CDKL2: variants seen among roughly 807,000 people sequenced by gnomAD.
CDKL2 encodes the protein cyclin-dependent kinase-like 2.
CDKL2 carries 64 observed loss-of-function variants against 63.9 expected under a neutral mutation model. That is an observed-to-expected ratio of 1.00 (90% CI 0.82 to 1.23). The LOEUF is 1.23. Among genes scored for constraint, CDKL2 ranks in the 50% most tolerant of loss-of-function variants. CDKL2 has a pLI of 0.00. For missense variants in CDKL2, 656 were observed against 668.0 expected, an observed-to-expected ratio of 0.98 and a Z score of 0.20; for synonymous variants, 211 against 229.2, an observed-to-expected ratio of 0.92 and a Z score of 0.72.
chr4:75,609,247 T>C (rs1394113617), intron 3 of CDKL2, among the ~76,000 whole-genome samples: 1 of 152,112 alleles, frequency 6.6e-6, no homozygotes, highest in Non-Finnish European at 1.5e-5. Context: ...ACAAAAACAT[T>C]AGTGATTAAA....
chr4:75,577,140 A>T lies in CDKL2; in HGVS notation c.*2062T>A, dbSNP rs1728058023. 6.6e-6 allele frequency among the ~76,000 whole-genome samples: 1 copy of T among 152,290 alleles called. No individual in the cohort carries two copies. The highest frequency in any genetic ancestry group is 2.4e-5 in the African/African-American group (1 of 41,580). On this transcript the variant is annotated 3_prime_UTR_variant, in exon 14 of 14. Coordinates refer to ENST00000307465, the MANE Select transcript of CDKL2 (RefSeq NM_001330724.2). ...GTAAGATAATATTTATTAATTTTAA[A>T]ACATACATACATGCAGCAAGCCCAC...
chr4:75,625,685 A>G (rs1730367309), intron 2 of CDKL2, 136 bp downstream of exon 2: 2 of 658,526 alleles, frequency 3.0e-6, no homozygotes, highest in South Asian at 4.2e-5. Flanking sequence ...TATAGAGAGA[A>G]GGAACAAACA....
At position 75,602,130 on chromosome 4, in the gene CDKL2, C is replaced by T. The variant is rs114969339; in HGVS notation, c.795+1687G>A. On this transcript the variant is annotated intron_variant, in intron 6 of 13. Transcript: ENST00000307465. ...TAAGCAAAAACCCCTTTGACAATATCATACAGATCATGATCCTATGCCCTA... is the reference window on the plus strand; with the variant it reads ...TAAGCAAAAACCCCTTTGACAATATTATACAGATCATGATCCTATGCCCTA... Among the ~76,000 whole-genome samples, 889 of 152,210 alleles carry T rather than the reference C, an allele frequency of 5.8e-3. 12 individuals carry two copies. Among genetic ancestry groups the T allele is most frequent in the African/African-American group, 0.021 (854 of 41,556 alleles).
chr4:75,624,617 G>A (rs1237855506), intron 2 of CDKL2, among the ~76,000 whole-genome samples: 1 of 151,846 alleles, frequency 6.6e-6, no homozygotes, highest in Non-Finnish European at 1.5e-5. Context: ...TTGGGAGGCT[G>A]AGGTGGGCGG....
intron 10 of CDKL2, among the ~76,000 whole-genome samples, chr4:75,595,203 C>CTTT (rs71203830): frequency 1.5e-5 from 2 of 135,276 alleles, no homozygotes; most frequent in African/African-American, 5.4e-5. Context: ...TTTCTTTCTT[C>CTTT]TTTTTTTTTT....
intron 6 of CDKL2, 74 bp downstream of exon 6, chr4:75,603,743 G>GC: frequency 2.4e-6 from 2 of 828,104 alleles, no homozygotes; most frequent in South Asian, 4.0e-5. Context: ...AACTAGACAA[G>GC]TAAAAAAAAA....
chr4:75,583,647 A>C (rs1489003973), intron 12 of CDKL2, among the ~76,000 whole-genome samples: 1 of 141,538 alleles, frequency 7.1e-6, no homozygotes, highest in Non-Finnish European at 1.6e-5. Context: ...GTTTTGCCAA[A>C]GCGGTGGAAG....
At chr4:75,626,285 T>A (rs1730403427) in intron 1 of CDKL2, among the ~76,000 whole-genome samples, 1 of 152,374 alleles carries the variant, frequency 6.6e-6, no homozygotes, top group Non-Finnish European at 1.5e-5. Flanking sequence ...AATTACTAAA[T>A]GTCATGTTAA....
chr4:75,591,972 T>G (rs1224182090), intron 11 of CDKL2, 47 bp from the exon 12 acceptor site: 1 of 1,446,028 alleles, frequency 6.9e-7, no homozygotes, highest in South Asian at 1.2e-5. Flanking sequence ...AGACATTTTG[T>G]TAGTTTTTAG....
At chr4:75,596,172 T>A in intron 10 of CDKL2, 75 bp downstream of exon 10, 1 of 870,142 alleles carries the variant, frequency 1.1e-6, no homozygotes, top group African/African-American at 1.7e-5. Context: ...AATACTTCAC[T>A]ATCATATTTA....
intron 3 of CDKL2, among the ~76,000 whole-genome samples, chr4:75,613,652 G>A (rs1350168493): frequency 1.3e-5 from 2 of 152,146 alleles, no homozygotes; most frequent in Non-Finnish European, 2.9e-5. Flanking sequence ...TTTGTAATTA[G>A]GCAAGAGAAC....
Position 75,596,966 on chromosome 4 carries a change from C to T in CDKL2, c.1291G>A (p.Gly431Arg). The stretch of plus-strand genomic sequence containing the variant: ...CCCTGAATTGGTATAGTCTCAGTCC[C>T]CATTCCAGAATTAATGCTGGGAGCA... ...AVAPSINSGM[G>R]TETIPIQGYR... The change falls in exon 9 of 14, where the codon GGG (glycine) becomes AGG (arginine). Residue 431 changes from glycine (G) to arginine (R), a missense_variant. Transcript: ENST00000307465. 1.2e-6 allele frequency: 2 copies of T among 1,614,064 alleles called. No individual in the cohort carries two copies. Among genetic ancestry groups the T allele is most frequent in the Non-Finnish European group, 1.7e-6 (2 of 1,179,952 alleles).
intron 2 of CDKL2, among the ~76,000 whole-genome samples, chr4:75,620,366 AC>A (rs1730105466): frequency 6.6e-6 from 1 of 152,164 alleles, no homozygotes; most frequent in African/African-American, 2.4e-5. Context: ...GATATGGACT[AC>A]TACTCTTTAA....
rs746747634 is a variant in CDKL2 at position 75,598,125 on chromosome 4, T to A, written c.972A>T (p.Lys324Asn). The change falls in exon 8 of 14, where the codon AAA becomes AAT. Residue 324 changes from lysine (K) to asparagine (N), a missense_variant. Lys to Asn is a moderately conservative substitution (Grantham distance 94). Transcript: ENST00000307465. The part of the protein sequence containing the change: ...SKKSQNRKKE[K>N]EKDDSLVEER... ...CTTCAACTAAGGAATCATCTTTTTCTTTTTCCTTCTTTCTGTTTTGGGATT... is the reference window on the plus strand; with the variant it reads ...CTTCAACTAAGGAATCATCTTTTTCATTTTCCTTCTTTCTGTTTTGGGATT... The A allele has an allele frequency of 6.4e-7, 1 of 1,558,044 alleles. No homozygotes were observed. The highest frequency in any genetic ancestry group is 2.3e-5 in the East Asian group (1 of 43,596).
intron 3 of CDKL2, 109 bp from the exon 4 acceptor site, chr4:75,607,470 C>T: frequency 1.2e-6 from 1 of 813,712 alleles, no homozygotes; most frequent in Admixed American, 2.8e-5. Flanking sequence ...CAAACAAAAG[C>T]ATAGAAAGTT....
chr4:75,590,744 GT>G (rs1313264346), intron 12 of CDKL2, among the ~76,000 whole-genome samples: 1 of 152,086 alleles, frequency 6.6e-6, no homozygotes. Flanking sequence ...AGAGTTAACA[GT>G]GGAAAAAGCA....
At chr4:75,624,160 AT>A (rs1730294986) in intron 2 of CDKL2, among the ~76,000 whole-genome samples, 2 of 151,362 alleles carry the variant, frequency 1.3e-5, no homozygotes, top group Non-Finnish European at 2.9e-5. Flanking sequence ...ATTCAGAAAA[AT>A]TAGAAGTAAA....
intron 2 of CDKL2, among the ~76,000 whole-genome samples, chr4:75,614,937 G>A (rs1337219995): frequency 6.1e-5 from 9 of 147,996 alleles, no homozygotes; most frequent in African/African-American, 1.7e-4. Context: ...ATATATATAT[G>A]TATATTCATA....
chr4:75,598,345 G>T, intron 7 of CDKL2, 133 bp from the exon 8 acceptor site: 1 of 473,322 alleles, frequency 2.1e-6, no homozygotes, highest in Non-Finnish European at 3.6e-6. Flanking sequence ...AAAAATCCTG[G>T]CCTAGATCAG....
Sources: allele counts gnomAD v4.1 joint callset (sites outside exome capture counted in the v4.1 genomes callset), GRCh38; gene constraint gnomAD v4.1.1; transcripts MANE v1.5; gene names NCBI Gene and HGNC (gene_info 2026-07-23, HGNC 2026-07-21).